SPICE1: variants seen among roughly 807,000 people sequenced by gnomAD.
SPICE1 encodes spindle and centriole-associated protein 1.
In SPICE1, 75 loss-of-function variants were observed where a neutral mutation model predicts 102.7. The observed-to-expected ratio is 0.73, with a 90% CI of 0.61 to 0.88. The LOEUF (loss-of-function observed/expected upper bound fraction) is 0.88, where lower values mean the gene tolerates loss of function less well. SPICE1 is among the 40% of genes least tolerant of loss of function. The pLI, the probability that SPICE1 is intolerant of heterozygous loss-of-function variation, is 0.00. For synonymous variants in SPICE1, 308 were observed against 350.3 expected (o/e 0.88, Z 1.35); for missense variants, 979 against 1,020.1 (o/e 0.96, Z 0.55).
chr3:113,492,279 G>C (rs1213279324), intron 6 of SPICE1, among the ~76,000 whole-genome samples: 1 of 152,026 alleles, frequency 6.6e-6, no homozygotes, highest in African/African-American at 2.4e-5. Context: ...TATGATTCTG[G>C]ACCTTGCAAC....
In SPICE1 at chr3:113,443,661, C is replaced by A. The variant is rs1935445574; in HGVS notation, c.*1646G>T. 1 of 152,186 alleles carries A rather than the reference C, an allele frequency of 6.6e-6. No individual in the cohort carries two copies. Among genetic ancestry groups the A allele is most frequent in the Non-Finnish European group, 1.5e-5 (1 of 68,040 alleles). 9.4% of individuals were successfully genotyped at this position (152,186 alleles called of 1,614,324 possible). On this transcript the variant is annotated 3_prime_UTR_variant, in exon 18 of 18. Transcript: ENST00000295872. ...CTACACACACTGTAAAACAGGTTTA[C>A]TCTCCAACAAGAGGCAGCACAGCAT...
intron 11 of SPICE1, among the ~76,000 whole-genome samples, chr3:113,462,410 C>T (rs778063606): frequency 2.0e-5 from 3 of 152,184 alleles, no homozygotes; most frequent in South Asian, 4.1e-4. Context: ...GGACAGTTCA[C>T]AATTTCAATG....
At position 113,468,136 on chromosome 3, in the gene SPICE1, T is replaced by C. The variant is rs755810410; in HGVS notation, c.1155+3A>G. On this transcript the variant is annotated splice_donor_region_variant and intron_variant, in intron 10 of 17. Coordinates refer to ENST00000295872, the MANE Select transcript of SPICE1 (RefSeq NM_144718.4). ...GAAGACTCTACTAACCTAATGTCCT[T>C]ACCTCTTTAAGGTACCGAACCAGGC... is the stretch of plus-strand genomic sequence containing the variant. The C allele has an allele frequency of 1.9e-6, 3 of 1,613,940 alleles. No homozygotes were observed. Among genetic ancestry groups the C allele is most frequent in the Admixed American group, 1.7e-5 (1 of 59,994 alleles).
intron 1 of SPICE1, among the ~76,000 whole-genome samples, chr3:113,510,436 G>A (rs1237337813): frequency 1.3e-5 from 2 of 152,004 alleles, no homozygotes; most frequent in Admixed American, 6.6e-5. Context: ...ATAGACCAAC[G>A]GAACAGAATG....
At chr3:113,466,144 G>T (rs1936051742) in intron 10 of SPICE1, among the ~76,000 whole-genome samples, 1 of 152,160 alleles carries the variant, frequency 6.6e-6, no homozygotes, top group African/African-American at 2.4e-5. Flanking sequence ...AAGCAAACAG[G>T]CTAGCTGGAA....
chr3:113,496,681 G>T (rs987485591), intron 4 of SPICE1, among the ~76,000 whole-genome samples: 3 of 152,128 alleles, frequency 2.0e-5, no homozygotes, highest in Admixed American at 2.0e-4. Context: ...GTTAATCTGG[G>T]AGTCCAGCTT....
chr3:113,485,625 G>A (rs1464955331), intron 7 of SPICE1, among the ~76,000 whole-genome samples: 1 of 152,186 alleles, frequency 6.6e-6, no homozygotes, highest in Non-Finnish European at 1.5e-5. Flanking sequence ...CAGAGCACCT[G>A]GGAGAAGGGG....
At chr3:113,484,324 A>C (rs1936592105) in intron 7 of SPICE1, among the ~76,000 whole-genome samples, 1 of 152,032 alleles carries the variant, frequency 6.6e-6, no homozygotes, top group Non-Finnish European at 1.5e-5. Flanking sequence ...CTTTTCAAAA[A>C]ACCAGCTCCT....
intron 11 of SPICE1, among the ~76,000 whole-genome samples, chr3:113,464,256 GTT>G (rs1186073353): frequency 0.046 from 5,895 of 127,790 alleles, 125 homozygotes; most frequent in East Asian, 0.11. Flanking sequence ...GTTTTTTGTT[GTT>G]TTTTTTTTTT....
chr3:113,513,744 G>C (rs1937264397), intron 1 of SPICE1, among the ~76,000 whole-genome samples: 1 of 151,960 alleles, frequency 6.6e-6, no homozygotes, highest in Non-Finnish European at 1.5e-5. Context: ...AAATATTTTT[G>C]TTCAGGCTCT....
At chr3:113,494,177 G>A (rs1210811568) in intron 4 of SPICE1, 35 bp from the exon 5 acceptor site, 1 of 1,398,024 alleles carries the variant, frequency 7.2e-7, no homozygotes, top group Non-Finnish European at 1.0e-6. Context: ...TTATTATTCA[G>A]ATTATATTTA....
intron 14 of SPICE1, among the ~76,000 whole-genome samples, chr3:113,451,635 T>C (rs1318156802): frequency 6.6e-6 from 1 of 152,196 alleles, no homozygotes; most frequent in Non-Finnish European, 1.5e-5. Flanking sequence ...CTGCTGTCTT[T>C]TTTAAACCAA....
chr3:113,502,048 C>A (rs758648443), intron 3 of SPICE1, among the ~76,000 whole-genome samples: 4 of 152,158 alleles, frequency 2.6e-5, no homozygotes, highest in Admixed American at 2.6e-4. Context: ...TAGATCCATA[C>A]AATGGAATAT....
intron 1 of SPICE1, 42 bp downstream of exon 1, chr3:113,514,855 C>A: frequency 1.5e-5 from 19 of 1,229,140 alleles, no homozygotes; most frequent in Non-Finnish European, 1.9e-5. Flanking sequence ...GGTGCTCTGG[C>A]GCCACGCACA....
At chr3:113,513,985 C>A (rs769565370) in intron 1 of SPICE1, among the ~76,000 whole-genome samples, 4 of 152,176 alleles carry the variant, frequency 2.6e-5, no homozygotes, top group Non-Finnish European at 4.4e-5. Flanking sequence ...CATGAAAGTA[C>A]CTAACTAACT....
intron 7 of SPICE1, among the ~76,000 whole-genome samples, chr3:113,484,139 T>C (rs1027414572): frequency 3.3e-5 from 5 of 152,226 alleles, no homozygotes; most frequent in Non-Finnish European, 7.3e-5. Context: ...ATCCATTTCT[T>C]CTAGATTTTA....
At chr3:113,510,600 C>T (rs2107511272) in intron 1 of SPICE1, among the ~76,000 whole-genome samples, 1 of 152,228 alleles carries the variant, frequency 6.6e-6, no homozygotes, top group Middle Eastern at 3.4e-3. Flanking sequence ...TTCCTTACAC[C>T]ATAGACAAAA....
chr3:113,465,886 A>G, intron 10 of SPICE1, 102 bp from the exon 11 acceptor site: 2 of 1,105,702 alleles, frequency 1.8e-6, no homozygotes, highest in Middle Eastern at 2.1e-4. Flanking sequence ...AAAGAAGCAT[A>G]TATTATGTGA....
rs114103582 is a variant in SPICE1, at chr3:113,490,286, C to G, written c.493-1223G>C. Among the ~76,000 whole-genome samples the G allele has an allele frequency of 8.9e-3, 1,351 of 152,206 alleles. 22 individuals are homozygous for G. The highest frequency in any genetic ancestry group is 0.031 in the African/African-American group (1,288 of 41,522). ...AATGAAATGCTATTAATTTCCAAAC[C>G]TCTATCTTCACACCCAGATCTGTCC... is the stretch of plus-strand genomic sequence containing the variant. On this transcript the variant is annotated intron_variant, in intron 6 of 17. Coordinates refer to ENST00000295872, the MANE Select transcript of SPICE1 (RefSeq NM_144718.4).
Sources: gnomAD v4.1 joint callset for allele counts (sites outside exome capture counted in the v4.1 genomes callset) on GRCh38, gnomAD v4.1.1 for gene constraint, MANE v1.5 for transcripts, NCBI Gene and HGNC (gene_info 2026-07-23, HGNC 2026-07-21) for gene names.